ABCC6: variants seen among roughly 807,000 people sequenced by gnomAD.
ABCC6 encodes the protein ATP-binding cassette sub-family C member 6.
In ABCC6, 126 loss-of-function variants were observed where a neutral mutation model predicts 169.5. The observed-to-expected ratio is 0.74, with a 90% confidence interval of 0.64 to 0.86. The LOEUF is 0.86. Among genes scored for constraint, ABCC6 ranks in the 40% least tolerant of loss-of-function variants. ABCC6 has a pLI of 0.00. For synonymous variants in ABCC6, 752 were observed against 814.7 expected (o/e 0.92, Z 1.31); for missense variants, 1,733 against 1,927.2 (o/e 0.90, Z 1.89).
Position 16,182,873 on chromosome 16 carries a change from T to G in ABCC6, c.2001A>C (p.Ala667=). The G allele has an allele frequency of 1.2e-6, 2 of 1,613,950 alleles. No individual in the cohort carries two copies. Among genetic ancestry groups the G allele is most frequent in the Non-Finnish European group, 1.7e-6 (2 of 1,179,976 alleles). The change falls in exon 16 of 31, where the codon GCA becomes GCC. Residue 667 remains alanine (A), a synonymous_variant. Transcript: ENST00000205557. ...CLLAVVGPVG[A]GKSSLLSALL... is the part of the protein sequence containing the mutation. Reference sequence around the variant, plus strand: ...GGGCGGACAGCAGGGAGGACTTCCCTGCCCCCACTGGACCGACAACAGCCA... The same window carrying G: ...GGGCGGACAGCAGGGAGGACTTCCCGGCCCCCACTGGACCGACAACAGCCA...
At chr16:16,157,564 G>A (rs2046589554) in intron 27 of ABCC6, 99 bp downstream of exon 27, 3 of 1,493,016 alleles carry the variant, frequency 2.0e-6, no homozygotes, top group Non-Finnish European at 2.8e-6. Flanking sequence ...CTGAGGTGGG[G>A]ACACTGTGGA....
Position 16,198,036 on chromosome 16 carries a change from G to A in ABCC6, c.1323C>T (p.Phe441=), listed in dbSNP as rs200519199. The A allele has an allele frequency of 3.7e-5, 59 of 1,614,018 alleles. No homozygotes were observed. Among genetic ancestry groups the A allele is most frequent in the African/African-American group, 3.1e-4 (23 of 74,936 alleles). ...TCTGGCATACCTGCCAGAGATAGAC[G>A]AAGCAGACCACGATCCAGACGAGAG... ...WLPLVWIVVC[F]VYLWQLLGPS... is the part of the protein sequence containing the mutation. The change falls in exon 10 of 31, where the codon TTC becomes TTT. Residue 441 remains phenylalanine, a synonymous_variant. Coordinates refer to ENST00000205557, the MANE Select transcript of ABCC6 (RefSeq NM_001171.6).
At chr16:16,191,968 G>T (rs2047875485) in intron 11 of ABCC6, among the ~76,000 whole-genome samples, 1 of 152,186 alleles carries the variant, frequency 6.6e-6, no homozygotes, top group Non-Finnish European at 1.5e-5. Context: ...ACCCTGCCGG[G>T]TGCTTCCTGT....
rs1596636731 is a variant in ABCC6, at chr16:16,173,773, C to T, written c.2667-369G>A. Among the ~76,000 whole-genome samples, 3 of 151,688 alleles carry T rather than the reference C, an allele frequency of 2.0e-5. No homozygotes were observed. In the East Asian group the frequency reaches 5.8e-4, roughly 30 times the overall value. On this transcript the variant is annotated intron_variant, in intron 20 of 30. Transcript: ENST00000205557. The stretch of plus-strand genomic sequence containing the variant: ...CAAACTCCTGAGCTCAAGCAATCCA[C>T]CTGCCTCAGCCTCCCAAAGTGCTGG...
intron 29 of ABCC6, among the ~76,000 whole-genome samples, 192 bp from the exon 30 acceptor site, chr16:16,150,964 G>A (rs1417564188): frequency 6.6e-6 from 1 of 152,212 alleles, no homozygotes; most frequent in African/African-American, 2.4e-5. Context: ...CTTTGAGCAG[G>A]CTGACTGTAG....
At chr16:16,211,377 G>A (rs1304535163) in intron 6 of ABCC6, among the ~76,000 whole-genome samples, 3 of 152,058 alleles carry the variant, frequency 2.0e-5, no homozygotes, top group East Asian at 3.8e-4. Flanking sequence ...CTCCAGCCTG[G>A]GCAACAAGAA....
intron 15 of ABCC6, among the ~76,000 whole-genome samples, chr16:16,183,826 C>T (rs78172764): frequency 0.034 from 5,154 of 152,160 alleles, 251 homozygotes; most frequent in African/African-American, 0.1. Context: ...AAAATATCAA[C>T]CGTGCTGAGG....
intron 30 of ABCC6, 38 bp from the exon 31 acceptor site, chr16:16,150,279 C>G (rs771404633): frequency 1.9e-6 from 3 of 1,612,906 alleles, no homozygotes; most frequent in East Asian, 2.2e-5. Context: ...TCTTTGGACA[C>G]CAGCCCAGGC....
intron 18 of ABCC6, among the ~76,000 whole-genome samples, chr16:16,178,572 A>G (rs2047364283): frequency 6.6e-6 from 1 of 152,146 alleles, no homozygotes; most frequent in Non-Finnish European, 1.5e-5. Context: ...GCAAAGCTGT[A>G]GTAGTTAAAT....
At chr16:16,183,862 T>G (rs1245974767) in intron 15 of ABCC6, among the ~76,000 whole-genome samples, 1 of 152,006 alleles carries the variant, frequency 6.6e-6, no homozygotes, top group African/African-American at 2.4e-5. Context: ...CCAGGCACTC[T>G]CCTGCCCCAG....
chr16:16,200,998 G>A (rs1051416682), intron 9 of ABCC6, among the ~76,000 whole-genome samples: 2 of 151,866 alleles, frequency 1.3e-5, no homozygotes, highest in African/African-American at 4.8e-5. Context: ...ACGAGGTCTC[G>A]CTCTCTTACC....
chr16:16,176,105 G>A (rs212621), intron 19 of ABCC6, 119 bp from the exon 20 acceptor site: 67,892 of 943,924 alleles, frequency 0.072, 3,326 homozygotes, highest in East Asian at 0.25. Flanking sequence ...CTCCTGCCAC[G>A]TCTCCAGCAA....
At chr16:16,195,111 G>T (rs1221988959) in intron 10 of ABCC6, among the ~76,000 whole-genome samples, 1 of 152,042 alleles carries the variant, frequency 6.6e-6, no homozygotes, top group Non-Finnish European at 1.5e-5. Context: ...AACACTCAAG[G>T]AATGTGAGCA....
At chr16:16,155,218 CTG>C in intron 27 of ABCC6, 187 bp from the exon 28 acceptor site, 1 of 673,644 alleles carries the variant, frequency 1.5e-6, no homozygotes, top group South Asian at 1.9e-5. Flanking sequence ...AGTCTTCCAT[CTG>C]TGTTCTTCTC....
At chr16:16,169,605 C>T (rs1487012466) in intron 22 of ABCC6, 41 bp downstream of exon 22, 1 of 1,604,516 alleles carries the variant, frequency 6.2e-7, no homozygotes, top group Non-Finnish European at 8.5e-7. Flanking sequence ...CCCCTTGGTG[C>T]AGCTGGGAGG....
rs1382343514 is a variant in ABCC6, at chr16:16,198,182, C to G, written c.1177G>C (p.Val393Leu). The change falls in exon 10 of 31, where the codon GTC becomes CTC. Residue 393 changes from valine (V) to leucine (L), a missense_variant and splice_region_variant. Around this residue, in one of 5 missense-constraint regions of ABCC6, gnomAD observed 1,601 missense variants for 1,635.5 expected, o/e 0.98. Coordinates refer to ENST00000205557, the MANE Select transcript of ABCC6 (RefSeq NM_001171.6). ...CTGGAGCCGCTGGACAGAGCCAGGA[C>G]CTGGCGGGTGGGCAGAAGGAGAGAA... ...SAITGLVYRK[V>L]LALSSGSRKA... is the part of the protein sequence containing the mutation. The G allele has an allele frequency of 1.9e-6, 3 of 1,593,262 alleles. No homozygotes were observed. Among genetic ancestry groups the G allele is most frequent in the Non-Finnish European group, 2.6e-6 (3 of 1,169,390 alleles).
chr16:16,175,840 T>C (rs2047261104), intron 20 of ABCC6, 71 bp downstream of exon 20: 4 of 1,555,734 alleles, frequency 2.6e-6, no homozygotes, highest in Non-Finnish European at 3.5e-6. Context: ...CTGCCCGAGA[T>C]GCGGGTGGTC....
chr16:16,173,454 G>C (rs545188229), intron 20 of ABCC6, 50 bp from the exon 21 acceptor site: 14 of 1,613,112 alleles, frequency 8.7e-6, no homozygotes, highest in Non-Finnish European at 1.2e-5. Flanking sequence ...CCCAATGGTG[G>C]GGTGTATGTG....
chr16:16,171,985 G>A (rs965771775), intron 21 of ABCC6, among the ~76,000 whole-genome samples: 25 of 147,694 alleles, frequency 1.7e-4, no homozygotes, highest in African/African-American at 5.7e-4. Flanking sequence ...GGATAAATAA[G>A]TGGATGGGAT....
Sources: allele counts gnomAD v4.1 joint callset (sites outside exome capture counted in the v4.1 genomes callset), GRCh38; gene constraint gnomAD v4.1.1; regional missense constraint gnomAD v4.1.1; transcripts MANE v1.5; gene names NCBI Gene and HGNC (gene_info 2026-07-23, HGNC 2026-07-21).